Variants in AFAP1 observed in about 807,000 individuals in gnomAD.
AFAP1 encodes actin filament associated protein 1.
AFAP1 carries 75 observed loss-of-function variants against 93.9 expected under a neutral mutation model. The observed-to-expected ratio is 0.80, with a 90% confidence interval of 0.66 to 0.97. AFAP1 has a LOEUF of 0.97. Among genes scored for constraint, AFAP1 ranks in the 50% least tolerant of loss-of-function variants. The pLI is 0.00. For synonymous variants in AFAP1, 517 were observed against 430.7 expected, an observed-to-expected ratio of 1.20 and a Z score of -2.48; for missense variants, 1,201 against 1,050.8, an observed-to-expected ratio of 1.14 and a Z score of -1.98.
intron 1 of AFAP1, among the ~76,000 whole-genome samples, chr4:7,873,806 C>T (rs28817941): frequency 1.4e-4 from 21 of 152,258 alleles, no homozygotes; most frequent in African/African-American, 5.1e-4. Context: ...ACTATCTTTA[C>T]TGGAGAGAGT....
In AFAP1 at chr4:7,763,658, A is replaced by AT; in HGVS notation, c.*106_*107insA. On this transcript the variant is annotated 3_prime_UTR_variant, in exon 18 of 18. Transcript: ENST00000420658. ...CAGAGCTCAGTCGTGGAGCCTCTGG[A>AT]GTCGTGCAGCTGAGGCCACTCTGGG... The AT allele has an allele frequency of 7.4e-7, 1 of 1,343,790 alleles. No homozygotes were observed. Among genetic ancestry groups the AT allele is most frequent in the Non-Finnish European group, 1.0e-6 (1 of 961,018 alleles). 83.2% of individuals were successfully genotyped at this position (1,343,790 alleles called of 1,614,324 possible).
chr4:7,865,579 G>A (rs1043559433), intron 3 of AFAP1, among the ~76,000 whole-genome samples: 3 of 152,188 alleles, frequency 2.0e-5, no homozygotes, highest in East Asian at 1.9e-4. Context: ...GGGAAAGCAA[G>A]AGACAAGGAG....
At chr4:7,843,672 C>A in intron 4 of AFAP1, 1 of 278,706 alleles carries the variant, frequency 3.6e-6, no homozygotes, top group Non-Finnish European at 6.9e-6. Flanking sequence ...GAGCGCCATC[C>A]TCATTCTGCA....
At chr4:7,825,771 GA>G (rs998643868) in intron 6 of AFAP1, among the ~76,000 whole-genome samples, 3 of 151,410 alleles carry the variant, frequency 2.0e-5, no homozygotes, top group East Asian at 1.9e-4. Context: ...CACACTACAG[GA>G]AAAAAAATTA....
intron 1 of AFAP1, among the ~76,000 whole-genome samples, chr4:7,887,715 G>C (rs1415556516): frequency 6.7e-6 from 1 of 148,234 alleles, no homozygotes; most frequent in Non-Finnish European, 1.5e-5. Flanking sequence ...GCAACACATG[G>C]TTTCAGTATT....
chr4:7,793,504 C>T (rs1284937939), intron 11 of AFAP1, among the ~76,000 whole-genome samples, 177 bp downstream of exon 11: 2 of 152,184 alleles, frequency 1.3e-5, no homozygotes, highest in African/African-American at 4.8e-5. Flanking sequence ...AATAGAAAAC[C>T]CAGTGGGCTG....
At chr4:7,877,411 T>A (rs1217694349) in intron 1 of AFAP1, among the ~76,000 whole-genome samples, 1 of 152,238 alleles carries the variant, frequency 6.6e-6, no homozygotes, top group East Asian at 1.9e-4. Context: ...CAGCTTTTAG[T>A]CTGCTTTTCT....
chr4:7,871,957 G>A lies in AFAP1; in HGVS notation c.122C>T (p.Ser41Phe). ...GGCGTCAGAATGAGACTCACCTTTG[G>A]ATGACTGTATTCTTAGCAGAATGTT... ...ITNILLRIQS[S>F]KGFDVKDHAQ... Residue 41 changes from serine (S) to phenylalanine (F), a missense_variant, in exon 2 of 18, where the codon TCC becomes TTC. Physicochemically the swap from Ser to Phe is radical, Grantham distance 155. Coordinates refer to ENST00000420658, the MANE Select transcript of AFAP1 (RefSeq NM_001134647.2). 1.2e-6 allele frequency: 2 copies of A among 1,614,160 alleles called. No individual in the cohort carries two copies. The highest frequency in any genetic ancestry group is 1.7e-6 in the Non-Finnish European group (2 of 1,180,020).
At chr4:7,802,265 CAG>C (rs67030790) in intron 9 of AFAP1, among the ~76,000 whole-genome samples, 31,226 of 152,152 alleles carry the variant, frequency 0.21, 4,146 homozygotes, top group Non-Finnish European at 0.3. Flanking sequence ...TAGGGAGTGA[CAG>C]AGAAAGGAGG....
chr4:7,820,732 T>C (rs1720901931), intron 6 of AFAP1, among the ~76,000 whole-genome samples: 1 of 152,152 alleles, frequency 6.6e-6, no homozygotes. Flanking sequence ...GGTTCCATTT[T>C]AATGAAAGGC....
rs189296965 is a variant in AFAP1, at chr4:7,884,762, C to T, written c.-2-12682G>A. Among the ~76,000 whole-genome samples, 147 of 152,210 alleles carry T rather than the reference C, an allele frequency of 9.7e-4. 1 individual carries two copies. Among genetic ancestry groups the T allele is most frequent in the African/African-American group, 3.3e-3 (136 of 41,532 alleles). On this transcript the variant is annotated intron_variant, in intron 1 of 17. Coordinates refer to ENST00000420658, the MANE Select transcript of AFAP1 (RefSeq NM_001134647.2). The stretch of plus-strand genomic sequence containing the variant: ...AGAAACAGATGAATTCTTTTATAAC[C>T]TGGGTGTGGAAAAAGATTTTCTAAT...
At chr4:7,931,437 G>T (rs1383643247) in intron 1 of AFAP1, among the ~76,000 whole-genome samples, 1 of 152,066 alleles carries the variant, frequency 6.6e-6, no homozygotes, top group Non-Finnish European at 1.5e-5. Context: ...TGTTGCTCAG[G>T]CTGGAGTGCT....
intron 11 of AFAP1, among the ~76,000 whole-genome samples, chr4:7,792,493 C>T (rs960592134): frequency 6.6e-6 from 1 of 152,150 alleles, no homozygotes; most frequent in Non-Finnish European, 1.5e-5. Context: ...ACAAATACTG[C>T]CAACTGTTTG....
rs1362892234 is a variant in AFAP1 at position 7,760,754 on chromosome 4, A to G, written c.*3011T>C. On this transcript the variant is annotated 3_prime_UTR_variant, in exon 18 of 18. Coordinates refer to ENST00000420658, the MANE Select transcript of AFAP1 (RefSeq NM_001134647.2). Reference sequence around the variant, plus strand: ...GCCAGGAGCAGAGCCCTGAAGAGTGACACTGTGGCTCAAGGTTAGAATGGA... The same window carrying G: ...GCCAGGAGCAGAGCCCTGAAGAGTGGCACTGTGGCTCAAGGTTAGAATGGA... 6.6e-6 allele frequency: 1 copy of G among 152,308 alleles called. No individual in the cohort carries two copies. The highest frequency in any genetic ancestry group is 1.5e-5 in the Non-Finnish European group (1 of 68,078). 9.4% of individuals were successfully genotyped at this position (152,308 alleles called of 1,614,324 possible). A position where few individuals can be genotyped will look rare whatever the true frequency, so the allele number is the denominator to read the frequency against.
intron 1 of AFAP1, among the ~76,000 whole-genome samples, chr4:7,878,416 A>AC (rs774551886): frequency 7.2e-5 from 11 of 151,864 alleles, no homozygotes; most frequent in Non-Finnish European, 1.3e-4. Flanking sequence ...CCCTTATACC[A>AC]CCTCAGACTT....
Position 7,763,811 on chromosome 4 carries a change from T to TGTAA in AFAP1, c.2419-24_2419-21dup, listed in dbSNP as rs1348667281. 2 of 1,551,450 alleles carry TGTAA rather than the reference T, an allele frequency of 1.3e-6. No homozygotes were observed. Among genetic ancestry groups the TGTAA allele is most frequent in the Non-Finnish European group, 1.7e-6 (2 of 1,146,788 alleles). Reference sequence around the variant, plus strand: ...CCATTCCTAGAGGAAAGGAGAGTCTTGTAAGTGGACAGGGCAAGAGGATCA... The same window carrying TGTAA: ...CCATTCCTAGAGGAAAGGAGAGTCTTGTAAGTAAGTGGACAGGGCAAGAGGATCA... On this transcript the variant is annotated intron_variant, in intron 17 of 17. Transcript: ENST00000420658.
intron 1 of AFAP1, among the ~76,000 whole-genome samples, chr4:7,882,564 C>T (rs913491402): frequency 6.6e-6 from 1 of 152,104 alleles, no homozygotes; most frequent in Non-Finnish European, 1.5e-5. Context: ...AAATGAGATT[C>T]ACTCTAGAAA....
rs1282449527 is a variant in AFAP1 at position 7,761,630 on chromosome 4, C to T, written c.*2135G>A. On this transcript the variant is annotated 3_prime_UTR_variant, in exon 18 of 18. Coordinates refer to ENST00000420658, the MANE Select transcript of AFAP1 (RefSeq NM_001134647.2). Reference sequence around the variant, plus strand: ...TCTCTTACTAACCACCAAAACCTCACACAGTTCTCTTTGGCAAAGCAGGCT... The same window carrying T: ...TCTCTTACTAACCACCAAAACCTCATACAGTTCTCTTTGGCAAAGCAGGCT... 4 of 152,302 alleles carry T rather than the reference C, an allele frequency of 2.6e-5. No individual in the cohort carries two copies. The highest frequency in any genetic ancestry group is 9.6e-5 in the African/African-American group (4 of 41,478). 9.4% of individuals were successfully genotyped at this position (152,302 alleles called of 1,614,324 possible). A position where few individuals can be genotyped will look rare whatever the true frequency, so the allele number is the denominator to read the frequency against.
At chr4:7,849,857 G>A (rs4496581) in intron 4 of AFAP1, among the ~76,000 whole-genome samples, 122,288 of 152,010 alleles carry the variant, frequency 0.8, 49,379 homozygotes, top group East Asian at 0.94. Flanking sequence ...AATACAAAAT[G>A]CAAGAGGGTC....
Sources: gnomAD v4.1 joint callset for allele counts (sites outside exome capture counted in the v4.1 genomes callset) on GRCh38, gnomAD v4.1.1 for gene constraint, MANE v1.5 for transcripts, NCBI Gene and HGNC (gene_info 2026-07-23, HGNC 2026-07-21) for gene names.